ZNF383: variants seen among roughly 807,000 people sequenced by gnomAD.
ZNF383 encodes zinc finger protein 383.
In ZNF383, 32 loss-of-function variants were observed where a neutral mutation model predicts 44.2. The observed-to-expected ratio is 0.72, with a 90% confidence interval of 0.55 to 0.97. ZNF383 has a LOEUF of 0.97. Among genes scored for constraint, ZNF383 ranks in the 50% least tolerant of loss-of-function variants. The pLI is 0.00. For missense variants in ZNF383, 487 were observed against 562.5 expected (o/e 0.87, Z 1.36); for synonymous variants, 155 against 186.2 (o/e 0.83, Z 1.36).
At chr19:37,220,800 A>AGTTTT (rs557370844) in intron 1 of ZNF383, among the ~76,000 whole-genome samples, 52 of 152,184 alleles carry the variant, frequency 3.4e-4, no homozygotes, top group African/African-American at 1.2e-3. Context: ...TTTTAAAAAA[A>AGTTTT]GTTTTGTTTT....
chr19:37,231,717 C>T (rs1973494750), intron 3 of ZNF383, among the ~76,000 whole-genome samples: 1 of 152,084 alleles, frequency 6.6e-6, no homozygotes, highest in African/African-American at 2.4e-5. Context: ...GATCATGTAG[C>T]TGCTGTGTAA....
chr19:37,225,957 C>A (rs1203970520), intron 2 of ZNF383, among the ~76,000 whole-genome samples: 1 of 138,084 alleles, frequency 7.2e-6, no homozygotes, highest in South Asian at 2.3e-4. Flanking sequence ...GTCTAACTAA[C>A]TTTTTTTTTT....
intron 5 of ZNF383, among the ~76,000 whole-genome samples, chr19:37,236,954 A>AAC (rs35036376): frequency 0.042 from 6,101 of 146,772 alleles, 146 homozygotes; most frequent in Middle Eastern, 0.062. Context: ...CACACATGTG[A>AAC]ACACACACAC....
intron 5 of ZNF383, among the ~76,000 whole-genome samples, chr19:37,237,325 G>A (rs1973863722): frequency 1.3e-5 from 2 of 152,182 alleles, no homozygotes. Flanking sequence ...AGTAGGTGGA[G>A]CCTTGGAAGT....
chr19:37,242,617 T>C lies in ZNF383; in HGVS notation c.381T>C (p.Leu127=), dbSNP rs754862530. ...ATGTTTTGGAATATAGAAGCCACCTTGCAAAACAACTGGGATATCCAAATG... is the reference window on the plus strand; with the variant it reads ...ATGTTTTGGAATATAGAAGCCACCTCGCAAAACAACTGGGATATCCAAATG... ...FGDVLEYRSH[L]AKQLGYPNGH... is the part of the protein sequence containing the mutation. Residue 127 remains leucine, a synonymous_variant, in exon 6 of 6, where the codon CTT becomes CTC. Coordinates refer to ENST00000684119, the MANE Select transcript of ZNF383 (RefSeq NM_001387601.1). 7.4e-6 allele frequency: 12 copies of C among 1,614,056 alleles called. No individual in the cohort carries two copies. In the East Asian group the frequency reaches 2.7e-4, roughly 36 times the overall value.
At chr19:37,233,437 AT>A (rs955317790) in intron 3 of ZNF383, among the ~76,000 whole-genome samples, 3,632 of 138,632 alleles carry the variant, frequency 0.026, 160 homozygotes, top group African/African-American at 0.091. Flanking sequence ...GGCTGTTTTT[AT>A]TTTTTTTTTG....
In ZNF383 at chr19:37,224,802, G is replaced by GT. The variant is rs36041061; in HGVS notation, c.-167-3dup. On this transcript the variant is annotated splice_polypyrimidine_tract_variant and intron_variant, in intron 1 of 5. Coordinates refer to ENST00000684119, the MANE Select transcript of ZNF383 (RefSeq NM_001387601.1). ...TGTAAAATTTACCATCTTAATCTTTGTTTTTTTTTTTTTAGACGGAGTCTC... is the reference window on the plus strand; with the variant it reads ...TGTAAAATTTACCATCTTAATCTTTGTTTTTTTTTTTTTTAGACGGAGTCTC... 24,063 of 127,670 alleles carry GT rather than the reference G, an allele frequency of 0.19. 2,235 individuals carry two copies. The highest frequency in any genetic ancestry group is 0.29 in the African/African-American group (10,196 of 35,230). The allele number at this position is 127,670 out of a possible 1,614,324, so 7.9% of individuals were successfully genotyped here. A position where few individuals can be genotyped will look rare whatever the true frequency, so the allele number is the denominator to read the frequency against.
intron 3 of ZNF383, among the ~76,000 whole-genome samples, chr19:37,231,907 T>C (rs1009159116): frequency 6.6e-6 from 1 of 152,210 alleles, no homozygotes; most frequent in Non-Finnish European, 1.5e-5. Context: ...GAGAAATCTT[T>C]CTCTGCTTTT....
chr19:37,243,125 C>T lies in ZNF383; in HGVS notation c.889C>T (p.Leu297Phe), dbSNP rs202207175. The T allele has an allele frequency of 6.2e-7, 1 of 1,614,098 alleles. No homozygotes were observed. The highest frequency in any genetic ancestry group is 8.5e-7 in the Non-Finnish European group (1 of 1,179,992). The part of the protein sequence containing the change: ...CGKAFTKSSQ[L>F]FQHARIHTGE... ...GAAAGCCTTTACTAAGAGCTCACAA[C>T]TTTTTCAGCATGCACGAATTCATAC... The change falls in exon 6 of 6, where the codon CTT becomes TTT. Residue 297 changes from leucine to phenylalanine, a missense_variant. Leu to Phe is a conservative substitution (Grantham distance 22). Coordinates refer to ENST00000684119, the MANE Select transcript of ZNF383 (RefSeq NM_001387601.1).
At chr19:37,230,266 T>C in intron 2 of ZNF383, 143 bp from the exon 3 acceptor site, 1 of 559,618 alleles carries the variant, frequency 1.8e-6, no homozygotes. Context: ...GAGGAAGGAG[T>C]AGGATTTGTT....
intron 1 of ZNF383, among the ~76,000 whole-genome samples, chr19:37,219,990 C>T (rs1043659123): frequency 6.6e-6 from 1 of 152,034 alleles, no homozygotes; most frequent in Non-Finnish European, 1.5e-5. Context: ...CACACTCTCC[C>T]CTCCTCTGTC....
At chr19:37,226,441 A>G (rs1037595480) in intron 2 of ZNF383, 1 of 152,146 alleles carries the variant, frequency 6.6e-6, no homozygotes, top group Non-Finnish European at 1.5e-5. Context: ...TATCTCCATT[A>G]TGATGTCATC....
chr19:37,225,777 A>T (rs1973130144), intron 2 of ZNF383, among the ~76,000 whole-genome samples: 1 of 150,104 alleles, frequency 6.7e-6, no homozygotes, highest in Admixed American at 6.7e-5. Flanking sequence ...ACTTTTTATT[A>T]TCATTCAGTT....
At chr19:37,240,761 T>A (rs1974044463) in intron 5 of ZNF383, among the ~76,000 whole-genome samples, 1 of 152,208 alleles carries the variant, frequency 6.6e-6, no homozygotes, top group Non-Finnish European at 1.5e-5. Flanking sequence ...TACATTAGAC[T>A]TACATCTGTC....
rs776534455 is a variant in ZNF383 at position 37,242,839 on chromosome 19, A to G, written c.603A>G (p.Lys201=). The G allele has an allele frequency of 1.9e-6, 3 of 1,613,836 alleles. No homozygotes were observed. Among genetic ancestry groups the G allele is most frequent in the African/African-American group, 2.7e-5 (2 of 74,918 alleles). ...IHIGEKSYEC[K]ECGKFFSCGS... The stretch of plus-strand genomic sequence containing the variant: ...TTGGTGAAAAATCTTATGAATGTAA[A>G]GAGTGTGGGAAATTCTTTAGTTGTG... The change falls in exon 6 of 6, where the codon AAA becomes AAG. Residue 201 remains lysine (K), a synonymous_variant. Transcript: ENST00000684119.
Position 37,235,604 on chromosome 19 carries a change from G to T in ZNF383, c.65G>T (p.Cys22Phe), listed in dbSNP as rs755498743. 3 of 1,613,978 alleles carry T rather than the reference G, an allele frequency of 1.9e-6. No individual in the cohort carries two copies. The highest frequency in any genetic ancestry group is 2.2e-5 in the East Asian group (1 of 44,860). The part of the protein sequence containing the change: ...SIDFSQEEWD[C>F]LDPVQRDLYR... ...GACTTCTCTCAGGAGGAGTGGGACT[G>T]CCTGGACCCTGTTCAGAGGGACTTA... Residue 22 changes from cysteine to phenylalanine, a missense_variant, in exon 4 of 6, where the codon TGC (cysteine) becomes TTC (phenylalanine). Transcript: ENST00000684119.
At position 37,242,830 on chromosome 19, in the gene ZNF383, T is replaced by C. The variant is rs116890167; in HGVS notation, c.594T>C (p.Tyr198=). 9.9e-3 allele frequency: 16,058 copies of C among 1,614,170 alleles called. 118 individuals carry two copies. The highest frequency in any genetic ancestry group is 0.026 in the Middle Eastern group (160 of 6,062). The change falls in exon 6 of 6, where the codon TAT becomes TAC. Residue 198 remains tyrosine, a synonymous_variant. Coordinates refer to ENST00000684119, the MANE Select transcript of ZNF383 (RefSeq NM_001387601.1). ...GAATTCATATTGGTGAAAAATCTTA[T>C]GAATGTAAAGAGTGTGGGAAATTCT... is the stretch of plus-strand genomic sequence containing the variant. ...HQRIHIGEKS[Y]ECKECGKFFS... is the part of the protein sequence containing the mutation.
chr19:37,240,390 G>T (rs189943674), intron 5 of ZNF383, among the ~76,000 whole-genome samples: 3 of 152,242 alleles, frequency 2.0e-5, no homozygotes, highest in Admixed American at 2.0e-4. Flanking sequence ...CAGTAATCAT[G>T]AGTTAAGGAT....
intron 1 of ZNF383, among the ~76,000 whole-genome samples, chr19:37,218,711 A>G (rs923800659): frequency 4.6e-5 from 7 of 152,094 alleles, no homozygotes; most frequent in Non-Finnish European, 7.3e-5. Flanking sequence ...GAGTAAATCT[A>G]CTACCCAGAA....
Sources: gnomAD v4.1 joint callset for allele counts (sites outside exome capture counted in the v4.1 genomes callset) on GRCh38, gnomAD v4.1.1 for gene constraint, MANE v1.5 for transcripts, NCBI Gene and HGNC (gene_info 2026-07-23, HGNC 2026-07-21) for gene names.